The following DCLK1 variants were observed in gnomAD, a reference collection of about 807,000 sequenced individuals.
DCLK1 encodes serine/threonine-protein kinase DCLK1.
A neutral mutation model predicts 86.2 loss-of-function variants in DCLK1; 16 were observed. The observed-to-expected ratio is 0.19, with a 90% confidence interval of 0.13 to 0.28. DCLK1 has a LOEUF of 0.28. Ranked by LOEUF, DCLK1 falls within the 10% of genes least tolerant of loss-of-function variation. DCLK1 has a pLI of 1.00. For synonymous variants in DCLK1, 369 were observed against 370.5 expected (o/e 1.00, Z 0.05); for missense variants, 590 against 940.2 (o/e 0.63, Z 4.87).
chr13:35,972,022 C>T (rs1431813634), intron 3 of DCLK1, among the ~76,000 whole-genome samples: 1 of 152,202 alleles, frequency 6.6e-6, no homozygotes, highest in East Asian at 1.9e-4. Flanking sequence ...AGGAGCTTCT[C>T]CTTTTCCAAC....
intron 5 of DCLK1, among the ~76,000 whole-genome samples, chr13:35,864,249 C>T (rs1871611318): frequency 6.6e-6 from 1 of 152,108 alleles, no homozygotes; most frequent in Non-Finnish European, 1.5e-5. Context: ...ATTCTAAATA[C>T]AGGGTATCAT....
chr13:36,003,713 A>G (rs1038167625), intron 3 of DCLK1, among the ~76,000 whole-genome samples: 1 of 152,230 alleles, frequency 6.6e-6, no homozygotes. Context: ...CAAAGGTTAC[A>G]AAAGGCTACA....
intron 3 of DCLK1, among the ~76,000 whole-genome samples, chr13:36,072,084 C>T (rs1303485991): frequency 1.3e-5 from 2 of 152,166 alleles, no homozygotes; most frequent in Non-Finnish European, 2.9e-5. Context: ...TCCTGAAAGA[C>T]TTGTCTATGT....
intron 3 of DCLK1, among the ~76,000 whole-genome samples, chr13:36,065,540 T>C (rs1883716241): frequency 6.6e-6 from 1 of 152,172 alleles, no homozygotes; most frequent in Non-Finnish European, 1.5e-5. Flanking sequence ...CCACCCCAAA[T>C]GTAAGAAATA....
At chr13:36,084,341 G>T (rs372931264) in intron 3 of DCLK1, among the ~76,000 whole-genome samples, 2 of 152,160 alleles carry the variant, frequency 1.3e-5, no homozygotes. Flanking sequence ...ACAGCTGAGC[G>T]TCTGATTTTT....
intron 5 of DCLK1, chr13:35,869,237 G>T: frequency 2.4e-6 from 1 of 421,732 alleles, no homozygotes; most frequent in Non-Finnish European, 4.8e-6. Context: ...GGATCACTCT[G>T]TCATTCTGTG....
chr13:35,904,173 T>C (rs942600194), intron 4 of DCLK1, among the ~76,000 whole-genome samples: 2 of 152,152 alleles, frequency 1.3e-5, no homozygotes, highest in Non-Finnish European at 2.9e-5. Flanking sequence ...TACAACATTT[T>C]CAGTAGTAAG....
intron 4 of DCLK1, among the ~76,000 whole-genome samples, chr13:35,882,197 G>A (rs1193181582): frequency 6.6e-6 from 1 of 152,050 alleles, no homozygotes; most frequent in Admixed American, 6.6e-5. Flanking sequence ...CTTAGCTTGT[G>A]GCCACATTAC....
In DCLK1 at chr13:35,861,925, C is replaced by T. The variant is rs1871421940; in HGVS notation, c.941-7332G>A. Among the ~76,000 whole-genome samples, 4 of 148,586 alleles carry T rather than the reference C, an allele frequency of 2.7e-5. 1 individual carries two copies. The highest frequency in any genetic ancestry group is 2.0e-4 in the East Asian group (1 of 4,970). The stretch of plus-strand genomic sequence containing the variant: ...GCGGGCACCTGTAGTCCCAGCTACT[C>T]GAAGGCTGAGGCGGGAGAATGGCAT... On this transcript the variant is annotated intron_variant, in intron 5 of 16. Transcript: ENST00000360631.
chr13:36,055,694 C>A (rs1043924647), intron 3 of DCLK1, among the ~76,000 whole-genome samples: 2 of 152,118 alleles, frequency 1.3e-5, no homozygotes, highest in African/African-American at 4.8e-5. Flanking sequence ...ATGTTGACTG[C>A]AGGATTTTTA....
intron 3 of DCLK1, among the ~76,000 whole-genome samples, chr13:36,110,742 C>T (rs957613028): frequency 4.0e-5 from 6 of 151,636 alleles, no homozygotes; most frequent in Non-Finnish European, 2.9e-5. Flanking sequence ...ACATTAAAAA[C>T]TAAACTTCCA....
chr13:35,981,295 G>A (rs1879626341), intron 3 of DCLK1, among the ~76,000 whole-genome samples: 2 of 151,976 alleles, frequency 1.3e-5, no homozygotes, highest in African/African-American at 4.8e-5. Context: ...TTTGTAGCAT[G>A]TGTCAGAATT....
At chr13:35,905,594 G>A (rs769879550) in intron 4 of DCLK1, among the ~76,000 whole-genome samples, 3 of 152,182 alleles carry the variant, frequency 2.0e-5, no homozygotes, top group African/African-American at 4.8e-5. Context: ...AATCAACCCC[G>A]AGGGCCACCT....
intron 3 of DCLK1, among the ~76,000 whole-genome samples, chr13:36,110,687 T>A (rs1885580278): frequency 6.6e-6 from 1 of 152,102 alleles, no homozygotes; most frequent in African/African-American, 2.4e-5. Flanking sequence ...ATCATTCAAA[T>A]TATCCCTCAA....
Position 35,773,685 on chromosome 13 carries a change from T to C in DCLK1, c.*850A>G, listed in dbSNP as rs865831664. On this transcript the variant is annotated 3_prime_UTR_variant, in exon 17 of 17. Coordinates refer to ENST00000360631, the MANE Select transcript of DCLK1 (RefSeq NM_001330071.2). Reference sequence around the variant, plus strand: ...GCAATTTATTGCTCTTTTCCACCAGTTGTTTCTTTCCTGTAGATGTCTGAC... The same window carrying C: ...GCAATTTATTGCTCTTTTCCACCAGCTGTTTCTTTCCTGTAGATGTCTGAC... The C allele has an allele frequency of 6.6e-6, 1 of 152,434 alleles. No individual in the cohort carries two copies. Among genetic ancestry groups the C allele is most frequent in the African/African-American group, 2.4e-5 (1 of 41,370 alleles). The allele number at this position is 152,434 out of a possible 1,614,324, so 9.4% of individuals were successfully genotyped here.
In DCLK1 at chr13:35,847,623, AAAAGAAAGAAAG is replaced by A. The variant is rs6145000; in HGVS notation, c.1035+6864_1035+6875del. On this transcript the variant is annotated intron_variant, in intron 6 of 16. Transcript: ENST00000360631. ...CACACTTCATTGTTTTTAAGCAAAA[AAAAGAAAGAAAG>A]AAAGAAAGAAAGAAAGAAAGAAAAA... The A allele has an allele frequency of 2.9e-3, 1,875 of 648,142 alleles. 37 individuals carry two copies. The highest frequency in any genetic ancestry group is 0.024 in the African/African-American group (1,237 of 51,610). 40.1% of individuals were successfully genotyped at this position (648,142 alleles called of 1,614,324 possible).
At chr13:35,855,391 T>TA in intron 5 of DCLK1, 1 of 951,132 alleles carries the variant, frequency 1.1e-6, no homozygotes, top group Non-Finnish European at 1.6e-6. Context: ...ATTTTACCTG[T>TA]AAAAATGGCA....
chr13:35,898,083 T>C (rs1025842220), intron 4 of DCLK1, among the ~76,000 whole-genome samples: 1 of 152,216 alleles, frequency 6.6e-6, no homozygotes, highest in Non-Finnish European at 1.5e-5. Context: ...GGTTAATCCC[T>C]TTCTTTTGAG....
At chr13:36,095,628 G>A (rs1884987123) in intron 3 of DCLK1, among the ~76,000 whole-genome samples, 1 of 152,078 alleles carries the variant, frequency 6.6e-6, no homozygotes, top group Non-Finnish European at 1.5e-5. Flanking sequence ...AAATATCATG[G>A]ACATATAAAT....
Sources: allele counts gnomAD v4.1 joint callset (sites outside exome capture counted in the v4.1 genomes callset), GRCh38; gene constraint gnomAD v4.1.1; transcripts MANE v1.5; gene names NCBI Gene and HGNC (gene_info 2026-07-23, HGNC 2026-07-21).